Variants in CACNA1E observed in about 807,000 individuals in gnomAD.
The protein encoded by CACNA1E is calcium voltage-gated channel subunit alpha1 E.
A neutral mutation model predicts 259.2 loss-of-function variants in CACNA1E; 40 were observed. That is an observed-to-expected ratio of 0.15 (90% CI 0.12 to 0.20). The LOEUF (loss-of-function observed/expected upper bound fraction) is 0.20, where lower values mean the gene tolerates loss of function less well. Among genes scored for constraint, CACNA1E ranks in the 10% least tolerant of loss-of-function variants. CACNA1E has a pLI of 1.00. For missense variants in CACNA1E, 1,874 were observed against 3,040.1 expected, an observed-to-expected ratio of 0.62 and a Z score of 9.02; for synonymous variants, 1,104 against 1,138.5, an observed-to-expected ratio of 0.97 and a Z score of 0.61.
At chr1:181,767,374 G>C (rs1659111159) in intron 35 of CACNA1E, among the ~76,000 whole-genome samples, 1 of 152,186 alleles carries the variant, frequency 6.6e-6, no homozygotes, top group Admixed American at 6.5e-5. Flanking sequence ...AACCTATCTG[G>C]TTGGAGACAC....
chr1:181,326,142 C>T (rs1365269311), intron 1 of CACNA1E, among the ~76,000 whole-genome samples: 1 of 152,148 alleles, frequency 6.6e-6, no homozygotes, highest in African/African-American at 2.4e-5. Flanking sequence ...TTAACAACTC[C>T]CCAGAAACTA....
At chr1:181,716,011 C>T (rs1373284905) in intron 9 of CACNA1E, 29 bp from the exon 10 acceptor site, 2 of 1,509,694 alleles carry the variant, frequency 1.3e-6, no homozygotes, top group Non-Finnish European at 1.8e-6. Flanking sequence ...CTTGTGGCCT[C>T]TCACTGGTCT....
chr1:181,332,050 G>A (rs527798340), intron 1 of CACNA1E, among the ~76,000 whole-genome samples: 2 of 152,336 alleles, frequency 1.3e-5, no homozygotes, highest in South Asian at 2.1e-4. Context: ...AGGACCAAGA[G>A]CATGTCCTTT....
intron 7 of CACNA1E, among the ~76,000 whole-genome samples, chr1:181,667,163 G>A (rs1415125194): frequency 1.3e-5 from 2 of 152,112 alleles, no homozygotes; most frequent in Non-Finnish European, 2.9e-5. Context: ...ATTCAGGAAG[G>A]TGATAAAAAG....
At chr1:181,749,434 G>A (rs939451952) in intron 25 of CACNA1E, among the ~76,000 whole-genome samples, 2 of 152,196 alleles carry the variant, frequency 1.3e-5, no homozygotes, top group Non-Finnish European at 2.9e-5. Context: ...AATTCACTGT[G>A]CTGTTTGACA....
chr1:181,646,706 G>A lies in CACNA1E; in HGVS notation c.952-4632G>A, dbSNP rs1658298466. ...AGCTTCAGCTCAGGGGACCCATGGG[G>A]CCCCTTTCCTCCTGCTTGCTCTATC... On this transcript the variant is annotated intron_variant, in intron 6 of 47. Coordinates refer to ENST00000367573, the MANE Select transcript of CACNA1E (RefSeq NM_001205293.3). Among the ~76,000 whole-genome samples, 3 of 152,264 alleles carry A rather than the reference G, an allele frequency of 2.0e-5. No homozygotes were observed. The South Asian group carries it at 6.2e-4, about 32-fold the overall frequency.
At chr1:181,351,976 G>A (rs1308786622) in intron 1 of CACNA1E, among the ~76,000 whole-genome samples, 1 of 152,220 alleles carries the variant, frequency 6.6e-6, no homozygotes, top group African/African-American at 2.4e-5. Flanking sequence ...AGGAGGAGGT[G>A]AGTGGGGACA....
chr1:181,563,186 G>C (rs567014744), intron 3 of CACNA1E, among the ~76,000 whole-genome samples: 6 of 152,226 alleles, frequency 3.9e-5, no homozygotes, highest in Admixed American at 3.3e-4. Context: ...TGTCTTCTTT[G>C]CAAGTATGGG....
At chr1:181,469,023 C>A (rs909008618) in intron 2 of CACNA1E, among the ~76,000 whole-genome samples, 2 of 152,060 alleles carry the variant, frequency 1.3e-5, no homozygotes, top group African/African-American at 4.8e-5. Context: ...AAAACTCATT[C>A]ATTCATTCAA....
chr1:181,347,027 G>A (rs1044402288), intron 1 of CACNA1E, among the ~76,000 whole-genome samples: 5 of 152,134 alleles, frequency 3.3e-5, no homozygotes, highest in African/African-American at 1.2e-4. Context: ...GGCTAATCAC[G>A]GAGGACCATG....
chr1:181,525,907 GA>G (rs1190993782), intron 3 of CACNA1E, among the ~76,000 whole-genome samples: 1 of 152,126 alleles, frequency 6.6e-6, no homozygotes, highest in African/African-American at 2.4e-5. Context: ...CTTTTCCATG[GA>G]AAAAGGCCAG....
chr1:181,339,817 T>C (rs750237092), intron 1 of CACNA1E, among the ~76,000 whole-genome samples: 4 of 152,134 alleles, frequency 2.6e-5, no homozygotes, highest in Non-Finnish European at 5.9e-5. Flanking sequence ...CACAGTTTCC[T>C]ATTAATTTGT....
intron 3 of CACNA1E, among the ~76,000 whole-genome samples, chr1:181,531,475 T>C (rs1017057655): frequency 6.6e-6 from 1 of 152,170 alleles, no homozygotes; most frequent in Non-Finnish European, 1.5e-5. Context: ...GTGTATATAT[T>C]CTTAGACCCA....
chr1:181,432,018 G>A (rs917487507), intron 2 of CACNA1E, among the ~76,000 whole-genome samples: 2 of 152,144 alleles, frequency 1.3e-5, no homozygotes, highest in South Asian at 2.1e-4. Flanking sequence ...ATCGCCGATC[G>A]ACCAAGTGGC....
At chr1:181,607,787 T>A (rs778721128) in intron 6 of CACNA1E, among the ~76,000 whole-genome samples, 9 of 152,158 alleles carry the variant, frequency 5.9e-5, no homozygotes, top group Non-Finnish European at 1.3e-4. Flanking sequence ...GAAGAAAGTT[T>A]CCTGCAGGAG....
In CACNA1E at chr1:181,719,828, A is replaced by C. The variant is rs1487986197; in HGVS notation, c.1716A>C (p.Arg572=). The part of the protein sequence containing the change: ...PGTSFGISVL[R]ALRLLRIFKI... ...CGTCTTTTGGAATCAGTGTCTTGCGAGCCCTCCGGCTTCTAAGAATATTTA... is the reference window on the plus strand; with the variant it reads ...CGTCTTTTGGAATCAGTGTCTTGCGCGCCCTCCGGCTTCTAAGAATATTTA... The change falls in exon 13 of 48, where the codon CGA becomes CGC. Residue 572 remains arginine (R), a synonymous_variant. Coordinates refer to ENST00000367573, the MANE Select transcript of CACNA1E (RefSeq NM_001205293.3). 1 of 1,596,212 alleles carries C rather than the reference A, an allele frequency of 6.3e-7. No homozygotes were observed. Among genetic ancestry groups the C allele is most frequent in the East Asian group, 2.3e-5 (1 of 44,426 alleles).
intron 1 of CACNA1E, among the ~76,000 whole-genome samples, chr1:181,391,382 T>C (rs958453674): frequency 5.9e-5 from 9 of 152,332 alleles, no homozygotes; most frequent in Admixed American, 1.3e-4. Flanking sequence ...AATACAAAGA[T>C]TTGGTTGCAT....
intron 2 of CACNA1E, among the ~76,000 whole-genome samples, chr1:181,432,163 T>G (rs1373609792): frequency 6.6e-6 from 1 of 152,220 alleles, no homozygotes; most frequent in Non-Finnish European, 1.5e-5. Context: ...TATTATCATT[T>G]CAACACAAAA....
intron 6 of CACNA1E, among the ~76,000 whole-genome samples, chr1:181,641,484 GATTGGCC>G (rs1427860242): frequency 6.7e-6 from 1 of 150,228 alleles, no homozygotes; most frequent in Non-Finnish European, 1.5e-5. Flanking sequence ...TTCCTCTGTT[GATTGGCC>G]ATCTGAATCC....
Sources: gnomAD v4.1 joint callset for allele counts (sites outside exome capture counted in the v4.1 genomes callset) on GRCh38, gnomAD v4.1.1 for gene constraint, MANE v1.5 for transcripts, NCBI Gene and HGNC (gene_info 2026-07-23, HGNC 2026-07-21) for gene names.